DIAPH2: variants seen among roughly 807,000 people sequenced by gnomAD.
The protein encoded by DIAPH2 is protein diaphanous homolog 2.
In DIAPH2, 35 loss-of-function variants were observed where a neutral mutation model predicts 92.7. That is an observed-to-expected ratio of 0.38 (90% confidence interval 0.29 to 0.50). DIAPH2 has a LOEUF of 0.50. Ranked by LOEUF, DIAPH2 falls within the 20% of genes least tolerant of loss-of-function variation. The pLI is 0.94. For missense variants in DIAPH2, 701 were observed against 819.5 expected, an observed-to-expected ratio of 0.86 and a Z score of 1.77; for synonymous variants, 301 against 280.4, an observed-to-expected ratio of 1.07 and a Z score of -0.73.
chrX:97,009,668 G>A (rs1178297170), intron 17 of DIAPH2, among the ~76,000 whole-genome samples: 2 of 112,079 alleles, frequency 1.8e-5, no homozygotes, highest in Non-Finnish European at 3.8e-5. Flanking sequence ...CCAGGAGTCT[G>A]TCTTTCCCTT....
At chrX:96,830,029 T>G (rs892499421) in intron 4 of DIAPH2, among the ~76,000 whole-genome samples, 14 of 110,332 alleles carry the variant, frequency 1.3e-4, no homozygotes, top group Admixed American at 3.9e-4. Context: ...TAAAAAAAGG[T>G]TAAAGTTATA....
chrX:97,516,673 A>G (rs2070951250), intron 26 of DIAPH2, among the ~76,000 whole-genome samples: 1 of 111,971 alleles, frequency 8.9e-6, no homozygotes, highest in Non-Finnish European at 1.9e-5. Flanking sequence ...TAATTGTCTG[A>G]TTATACCTGT....
At chrX:97,470,205 G>A (rs1268953940) in intron 26 of DIAPH2, among the ~76,000 whole-genome samples, 2 of 111,252 alleles carry the variant, frequency 1.8e-5, no homozygotes, top group Admixed American at 9.6e-5. Flanking sequence ...TATATAGTGC[G>A]TGCATGCACA....
At chrX:96,877,117 C>T (rs1409615398) in intron 4 of DIAPH2, among the ~76,000 whole-genome samples, 3 of 110,901 alleles carry the variant, frequency 2.7e-5, no homozygotes, top group Non-Finnish European at 5.7e-5. Context: ...CCAAATATAC[C>T]GCTATCAGAA....
At position 97,433,440 on chromosome X, in the gene DIAPH2, C is replaced by T. The variant is rs1041444522; in HGVS notation, c.3241+3695C>T. ...CTGAGGTGAGAGGATTGCTTGAGCA[C>T]GGTAGGCAGACGTTGCAATGAGTAG... On this transcript the variant is annotated intron_variant, in intron 26 of 26. Transcript: ENST00000324765. Among the ~76,000 whole-genome samples, 12 of 111,636 alleles carry T rather than the reference C, an allele frequency of 1.1e-4. No individual in the cohort carries two copies. In the East Asian group the frequency reaches 1.1e-3, roughly 10 times the overall value.
intron 17 of DIAPH2, among the ~76,000 whole-genome samples, chrX:97,069,321 T>G (rs2066654161): frequency 9.0e-6 from 1 of 111,201 alleles, no homozygotes; most frequent in African/African-American, 3.3e-5. Flanking sequence ...ATGCAACACA[T>G]AATGTGATGC....
At chrX:96,723,015 G>A (rs1181945741) in intron 1 of DIAPH2, among the ~76,000 whole-genome samples, 1 of 111,861 alleles carries the variant, frequency 8.9e-6, no homozygotes, top group Non-Finnish European at 1.9e-5. Flanking sequence ...GAAAATGCCA[G>A]TCTTAGCACA....
chrX:96,988,181 T>A (rs1338869215), intron 17 of DIAPH2, among the ~76,000 whole-genome samples: 1 of 109,667 alleles, frequency 9.1e-6, no homozygotes, highest in Non-Finnish European at 1.9e-5. Context: ...CTTGACTGTT[T>A]TAGAACTTAA....
intron 4 of DIAPH2, among the ~76,000 whole-genome samples, chrX:96,829,634 C>G (rs986345287): frequency 1.8e-5 from 2 of 110,087 alleles, no homozygotes; most frequent in African/African-American, 6.6e-5. Flanking sequence ...AGTGGGATTG[C>G]AGGCGCCTGC....
chrX:97,250,776 A>G (rs1319843562), intron 23 of DIAPH2, among the ~76,000 whole-genome samples: 1 of 111,745 alleles, frequency 8.9e-6, no homozygotes, highest in Non-Finnish European at 1.9e-5. Flanking sequence ...CTTCAAAACG[A>G]TACTGTCAGT....
intron 22 of DIAPH2, among the ~76,000 whole-genome samples, chrX:97,207,519 G>A (rs2067807518): frequency 9.0e-6 from 1 of 111,231 alleles, no homozygotes; most frequent in African/African-American, 3.3e-5. Context: ...ATCTTTACCA[G>A]AACCTTATGA....
intron 22 of DIAPH2, among the ~76,000 whole-genome samples, chrX:97,213,297 G>T (rs1290918377): frequency 1.8e-5 from 2 of 111,716 alleles, no homozygotes; most frequent in African/African-American, 6.5e-5. Flanking sequence ...CTCCAAACCA[G>T]AGGAGGAAAG....
At chrX:97,458,878 A>C (rs1416315768) in intron 26 of DIAPH2, among the ~76,000 whole-genome samples, 4 of 111,724 alleles carry the variant, frequency 3.6e-5, no homozygotes, top group African/African-American at 1.3e-4. Context: ...TCTAAAGGTA[A>C]CAAGTGAGGT....
chrX:96,933,597 AT>A (rs758184248), intron 10 of DIAPH2, among the ~76,000 whole-genome samples: 1,715 of 100,805 alleles, frequency 0.017, 35 homozygotes, highest in African/African-American at 0.058. Context: ...ATATGTTTAT[AT>A]TTTTTTTATT....
intron 23 of DIAPH2, among the ~76,000 whole-genome samples, chrX:97,330,014 C>T (rs1288687116): frequency 9.4e-6 from 1 of 105,871 alleles, no homozygotes; most frequent in Non-Finnish European, 1.9e-5. Flanking sequence ...AAGTCACTGA[C>T]CCCTCTCTCC....
intron 4 of DIAPH2, among the ~76,000 whole-genome samples, chrX:96,799,946 G>A (rs2064569882): frequency 9.0e-6 from 1 of 110,802 alleles, no homozygotes; most frequent in Non-Finnish European, 1.9e-5. Context: ...AGTGATCCTT[G>A]TTGTTTCTAC....
intron 25 of DIAPH2, among the ~76,000 whole-genome samples, chrX:97,392,380 T>C (rs144848661): frequency 8.9e-4 from 100 of 112,120 alleles, no homozygotes; most frequent in African/African-American, 3.2e-3. Context: ...TAAGAAGTTT[T>C]CATTTTTGTC....
At chrX:97,592,909 T>C (rs960475126) in intron 26 of DIAPH2, among the ~76,000 whole-genome samples, 1 of 112,059 alleles carries the variant, frequency 8.9e-6, no homozygotes, top group African/African-American at 3.2e-5. Context: ...TAGGTTTCTG[T>C]TTTCTTTGCA....
chrX:97,208,983 T>C (rs888494174), intron 22 of DIAPH2, among the ~76,000 whole-genome samples: 1 of 110,633 alleles, frequency 9.0e-6, no homozygotes, highest in Non-Finnish European at 1.9e-5. Flanking sequence ...TGATACTCTT[T>C]CTATGTTGCT....
Sources: gnomAD v4.1 joint callset for allele counts (sites outside exome capture counted in the v4.1 genomes callset) on GRCh38, gnomAD v4.1.1 for gene constraint, MANE v1.5 for transcripts, NCBI Gene and HGNC (gene_info 2026-07-23, HGNC 2026-07-21) for gene names.